Variants in CEP57 observed in about 807,000 individuals in gnomAD.
CEP57 encodes centrosomal protein of 57 kDa.
CEP57 carries 40 observed loss-of-function variants against 68.0 expected under a neutral mutation model. The observed-to-expected ratio is 0.59, with a 90% CI of 0.46 to 0.77. The LOEUF (loss-of-function observed/expected upper bound fraction) is 0.77, where lower values mean the gene tolerates loss of function less well. Among genes scored for constraint, CEP57 ranks in the 30% least tolerant of loss-of-function variants. CEP57 has a pLI of 0.00. For synonymous variants in CEP57, 219 were observed against 198.7 expected (o/e 1.10, Z -0.86); for missense variants, 606 against 580.7 (o/e 1.04, Z -0.45).
intron 6 of CEP57, among the ~76,000 whole-genome samples, chr11:95,819,116 A>T (rs1862420418): frequency 6.6e-6 from 1 of 152,248 alleles, no homozygotes; most frequent in Non-Finnish European, 1.5e-5. Context: ...TTGTAATTGT[A>T]GAGTTTCAAT....
intron 2 of CEP57, among the ~76,000 whole-genome samples, chr11:95,802,884 A>G (rs1273412814): frequency 1.3e-5 from 2 of 152,240 alleles, no homozygotes; most frequent in African/African-American, 4.8e-5. Context: ...GAGTATGTCC[A>G]GAGTAGTATT....
Position 95,794,309 on chromosome 11 carries a change from G to C in CEP57, c.45+3566G>C, listed in dbSNP as rs1182300753. The C allele has an allele frequency of 6.6e-6, 3 of 455,898 alleles. No individual in the cohort carries two copies. The Admixed American group carries it at 7.0e-5, about 11-fold the overall frequency. 28.2% of individuals were successfully genotyped at this position (455,898 alleles called of 1,614,324 possible). A position where few individuals can be genotyped will look rare whatever the true frequency, so the allele number is the denominator to read the frequency against. ...CCCGTATCATTTTCAAGAAAGAAGA[G>C]AGAGAAAATCGTTCAGCAAATATAA... is the stretch of plus-strand genomic sequence containing the variant. On this transcript the variant is annotated intron_variant, in intron 1 of 10. Transcript: ENST00000325542.
At chr11:95,821,439 T>C (rs1862513771) in intron 6 of CEP57, among the ~76,000 whole-genome samples, 6 of 152,332 alleles carry the variant, frequency 3.9e-5, no homozygotes, top group Admixed American at 3.9e-4. Flanking sequence ...TTCCTTTTTC[T>C]TATATAGTAA....
Position 95,814,861 on chromosome 11 carries a change from C to T in CEP57, c.504+1272C>T, listed in dbSNP as rs570367070. On this transcript the variant is annotated intron_variant, in intron 4 of 10. Coordinates refer to ENST00000325542, the MANE Select transcript of CEP57 (RefSeq NM_014679.5). ...ATCCATGAGTGAATTGGTTCTCAGA[C>T]CCCTGTGGATAGTAAAATCCATGGA... 6.6e-5 allele frequency among the ~76,000 whole-genome samples: 10 copies of T among 152,224 alleles called. 2 individuals carry two copies. Among genetic ancestry groups the T allele is most frequent in the Admixed American group, 6.5e-4 (10 of 15,288 alleles).
intron 4 of CEP57, chr11:95,815,103 AT>A (rs959603831): frequency 6.6e-6 from 1 of 152,158 alleles, no homozygotes; most frequent in African/African-American, 2.4e-5. Context: ...TTTCTCGTAT[AT>A]TTTCAATCCA....
At chr11:95,808,716 G>A (rs1861918798) in intron 2 of CEP57, among the ~76,000 whole-genome samples, 1 of 152,142 alleles carries the variant, frequency 6.6e-6, no homozygotes, top group Non-Finnish European at 1.5e-5. Context: ...AGTCCATAGA[G>A]ACCTGCAAAG....
chr11:95,790,549 G>C lies in CEP57; in HGVS notation c.-150G>C. 1.2e-6 allele frequency: 1 copy of C among 868,918 alleles called. No individual in the cohort carries two copies. The highest frequency in any genetic ancestry group is 2.2e-5 in the Admixed American group (1 of 45,176). 53.8% of individuals were successfully genotyped at this position (868,918 alleles called of 1,614,324 possible). ...CGGCCCTGAGGGGGTGTGTTGCAGG[G>C]GTTTCCAAGCCCAGCACCAGCACCC... On this transcript the variant is annotated 5_prime_UTR_variant, in exon 1 of 11. Coordinates refer to ENST00000325542, the MANE Select transcript of CEP57 (RefSeq NM_014679.5).
At position 95,790,659 on chromosome 11, in the gene CEP57, C is replaced by G. The variant is rs1238419290; in HGVS notation, c.-40C>G. ...TTGGAGAAGAGCACGAGAACCTAGA[C>G]CGCCCCCGAAGTGCGGAGACCCCCT... On this transcript the variant is annotated 5_prime_UTR_variant, in exon 1 of 11. Coordinates refer to ENST00000325542, the MANE Select transcript of CEP57 (RefSeq NM_014679.5). The G allele has an allele frequency of 6.8e-6, 11 of 1,609,146 alleles. No homozygotes were observed. The highest frequency in any genetic ancestry group is 3.3e-4 in the Middle Eastern group (2 of 6,050).
At chr11:95,818,959 A>G in intron 6 of CEP57, 55 bp downstream of exon 6, 1 of 1,303,448 alleles carries the variant, frequency 7.7e-7, no homozygotes, top group Non-Finnish European at 1.1e-6. Flanking sequence ...CTTTTTGTGT[A>G]CAAGTAAACA....
chr11:95,819,703 AG>A (rs1862442818), intron 6 of CEP57, among the ~76,000 whole-genome samples: 1 of 152,210 alleles, frequency 6.6e-6, no homozygotes, highest in Non-Finnish European at 1.5e-5. Context: ...GATTCCAAGG[AG>A]TAGAGCCTCT....
chr11:95,830,422 AT>A (rs1350451247), intron 10 of CEP57, among the ~76,000 whole-genome samples: 16 of 152,224 alleles, frequency 1.1e-4, no homozygotes, highest in Admixed American at 1.0e-3. Context: ...AATTAGACTT[AT>A]TCTATTGGAA....
At chr11:95,810,570 C>G (rs776601431) in intron 2 of CEP57, among the ~76,000 whole-genome samples, 5 of 151,998 alleles carry the variant, frequency 3.3e-5, no homozygotes, top group Non-Finnish European at 5.9e-5. Flanking sequence ...GACACACAGC[C>G]AAATCATGAG....
At position 95,829,337 on chromosome 11, in the gene CEP57, T is replaced by C; in HGVS notation, c.1272+6T>C. 6.2e-7 allele frequency: 1 copy of C among 1,613,102 alleles called. No individual in the cohort carries two copies. Among genetic ancestry groups the C allele is most frequent in the Non-Finnish European group, 8.5e-7 (1 of 1,179,558 alleles). On this transcript the variant is annotated splice_donor_region_variant and intron_variant, in intron 10 of 10. Coordinates refer to ENST00000325542, the MANE Select transcript of CEP57 (RefSeq NM_014679.5). ...TTCGAAAATACCAAGCCCAGGTAAC[T>C]CAGTTTTCCTTCACTCAAGTTTCTA...
Position 95,813,040 on chromosome 11 carries a change from A to G in CEP57, c.311A>G (p.Tyr104Cys). 6.2e-7 allele frequency: 1 copy of G among 1,613,902 alleles called. No homozygotes were observed. The highest frequency in any genetic ancestry group is 8.5e-7 in the Non-Finnish European group (1 of 1,179,892). The stretch of plus-strand genomic sequence containing the variant: ...ACCTTGTCTAGAGAAACAATTGAAT[A>G]TAAGAAAGTACTGGATGAACAGATA... The part of the protein sequence containing the change: ...VKTLSRETIE[Y>C]KKVLDEQIQE... Residue 104 changes from tyrosine to cysteine, a missense_variant, in exon 3 of 11, where the codon TAT becomes TGT. Coordinates refer to ENST00000325542, the MANE Select transcript of CEP57 (RefSeq NM_014679.5).
At chr11:95,830,998 T>G (rs1469877455) in intron 10 of CEP57, 28 bp from the exon 11 acceptor site, 1 of 1,537,154 alleles carries the variant, frequency 6.5e-7, no homozygotes, top group African/African-American at 1.4e-5. Context: ...ATTCTCCTTT[T>G]CCTTCCTGCC....
At chr11:95,815,653 G>A (rs1862269556) in intron 4 of CEP57, among the ~76,000 whole-genome samples, 1 of 152,076 alleles carries the variant, frequency 6.6e-6, no homozygotes, top group Non-Finnish European at 1.5e-5. Flanking sequence ...AGGCTTGATG[G>A]TTTTCACTGG....
chr11:95,830,923 T>G, intron 10 of CEP57, 103 bp from the exon 11 acceptor site: 1 of 820,498 alleles, frequency 1.2e-6, no homozygotes. Flanking sequence ...TCAGTTAGCA[T>G]GAGAGTTAAC....
chr11:95,831,133 A>C lies in CEP57; in HGVS notation c.1380A>C (p.Thr460=). The C allele has an allele frequency of 6.2e-7, 1 of 1,613,668 alleles. No homozygotes were observed. The highest frequency in any genetic ancestry group is 8.5e-7 in the Non-Finnish European group (1 of 1,179,684). ...SSSRSGITGT[T]NKKDFMKLRP... ...GCCGTTCTGGAATCACAGGGACCAC[A>C]AATAAGAAAGATTTTATGAAACTGA... The change falls in exon 11 of 11, where the codon ACA becomes ACC. Residue 460 remains threonine (T), a synonymous_variant. Coordinates refer to ENST00000325542, the MANE Select transcript of CEP57 (RefSeq NM_014679.5).
chr11:95,815,279 T>G (rs1312959929), intron 4 of CEP57: 1 of 152,202 alleles, frequency 6.6e-6, no homozygotes, highest in Non-Finnish European at 1.5e-5. Context: ...TTAATTCTTG[T>G]GTGTGATAGG....
Sources: gnomAD v4.1 joint callset for allele counts (sites outside exome capture counted in the v4.1 genomes callset) on GRCh38, gnomAD v4.1.1 for gene constraint, MANE v1.5 for transcripts, NCBI Gene and HGNC (gene_info 2026-07-23, HGNC 2026-07-21) for gene names.